Variants in GAB1 observed in about 807,000 individuals in gnomAD.
The protein encoded by GAB1 is GRB2 associated binding protein 1, also known as GRB2-associated-binding protein 1.
In GAB1, 19 loss-of-function variants were observed where a neutral mutation model predicts 66.5. That is an observed-to-expected ratio of 0.29 (90% confidence interval 0.20 to 0.42). The LOEUF (loss-of-function observed/expected upper bound fraction) is 0.42, where lower values mean the gene tolerates loss of function less well. Among genes scored for constraint, GAB1 ranks in the 10% least tolerant of loss-of-function variants. The pLI, the probability that GAB1 is intolerant of heterozygous loss-of-function variation, is 1.00. For missense variants in GAB1, 732 were observed against 858.5 expected (o/e 0.85, Z 1.84); for synonymous variants, 294 against 301.4 (o/e 0.98, Z 0.25).
chr4:143,345,442 A>G (rs1403448756), intron 1 of GAB1, among the ~76,000 whole-genome samples: 3 of 152,244 alleles, frequency 2.0e-5, no homozygotes, highest in East Asian at 1.9e-4. Flanking sequence ...AAACATTTCA[A>G]TGTAAAAATA....
chr4:143,434,580 T>C (rs1578709897), intron 3 of GAB1, among the ~76,000 whole-genome samples: 1 of 143,532 alleles, frequency 7.0e-6, no homozygotes, highest in Non-Finnish European at 1.5e-5. Flanking sequence ...GATCTCAAAC[T>C]CCTGGCCTCA....
At position 143,451,495 on chromosome 4, in the gene GAB1, T is replaced by A. The variant is rs140731544; in HGVS notation, c.1586-7890T>A. Among the ~76,000 whole-genome samples the A allele has an allele frequency of 5.6e-3, 850 of 152,274 alleles. 10 individuals are homozygous for A. The highest frequency in any genetic ancestry group is 0.019 in the African/African-American group (797 of 41,548). On this transcript the variant is annotated intron_variant, in intron 6 of 9. Transcript: ENST00000262994. ...AGGCACATAAACTTTAAGATTTATA[T>A]ATTTAAATCTTAAGTCAAGCTTTGG...
intron 1 of GAB1, 75 bp downstream of exon 1, chr4:143,337,335 CA>C: frequency 8.0e-7 from 1 of 1,257,588 alleles, no homozygotes; most frequent in Non-Finnish European, 1.1e-6. Flanking sequence ...CCGGCGGCTG[CA>C]GCTGGCCGCG....
chr4:143,399,680 A>G (rs1201377677), intron 1 of GAB1, among the ~76,000 whole-genome samples: 1 of 152,166 alleles, frequency 6.6e-6, no homozygotes, highest in African/African-American at 2.4e-5. Context: ...CTGTTCATTC[A>G]TCCTTCTTAT....
At chr4:143,341,591 GC>G (rs1308200006) in intron 1 of GAB1, among the ~76,000 whole-genome samples, 2 of 152,230 alleles carry the variant, frequency 1.3e-5, no homozygotes, top group East Asian at 3.8e-4. Flanking sequence ...TGGTAGCAAG[GC>G]CCCAGCCAGT....
Position 143,337,259 on chromosome 4 carries a change from A to T in GAB1, c.71A>T (p.Tyr24Phe). 1 of 1,575,408 alleles carries T rather than the reference A, an allele frequency of 6.3e-7. No homozygotes were observed. The highest frequency in any genetic ancestry group is 8.6e-7 in the Non-Finnish European group (1 of 1,159,720). Residue 24 changes from tyrosine to phenylalanine, a missense_variant and splice_region_variant, in exon 1 of 10, where the codon TAT becomes TTT. Physicochemically the swap from Tyr to Phe is conservative, Grantham distance 22 (BLOSUM62 3). Around this residue, in one of 4 missense-constraint regions of GAB1, gnomAD observed 35 missense variants for 30.8 expected, o/e 1.13. Coordinates refer to ENST00000262994, the MANE Select transcript of GAB1 (RefSeq NM_002039.4). ...CCCCCGGAGAAAAAGTTGAAGCGTT[A>T]TGTAAGTAGAGCTGCGGGCACCACT... ...KSPPEKKLKR[Y>F]AWKRRWFVLR... is the part of the protein sequence containing the mutation.
At chr4:143,425,709 A>G in intron 2 of GAB1, 1 of 759,536 alleles carries the variant, frequency 1.3e-6, no homozygotes, top group Non-Finnish European at 2.4e-6. Flanking sequence ...AAAGGCAGTG[A>G]CCAAGGAGGA....
At chr4:143,359,358 A>G (rs751330572) in intron 1 of GAB1, among the ~76,000 whole-genome samples, 2 of 152,240 alleles carry the variant, frequency 1.3e-5, no homozygotes, top group Non-Finnish European at 2.9e-5. Context: ...CACAGGCAGA[A>G]CAAATCAACA....
intron 6 of GAB1, among the ~76,000 whole-genome samples, chr4:143,444,977 T>C (rs554393507): frequency 4.5e-4 from 68 of 152,360 alleles, no homozygotes; most frequent in Non-Finnish European, 6.9e-4. Context: ...CACATTTTCT[T>C]GATCCAGTCC....
chr4:143,453,572 G>A (rs1045808957), intron 6 of GAB1, among the ~76,000 whole-genome samples: 1 of 152,116 alleles, frequency 6.6e-6, no homozygotes, highest in Non-Finnish European at 1.5e-5. Context: ...TACTGGTCAC[G>A]AAGGTAAACC....
intron 1 of GAB1, among the ~76,000 whole-genome samples, chr4:143,378,046 C>T (rs568622224): frequency 2.6e-5 from 4 of 152,294 alleles, no homozygotes; most frequent in South Asian, 4.1e-4. Flanking sequence ...TATACTCACA[C>T]GCTTTGCCGT....
Position 143,360,663 on chromosome 4 carries a change from G to C in GAB1, c.72+23403G>C, listed in dbSNP as rs543251870. Among the ~76,000 whole-genome samples, 3 of 152,246 alleles carry C rather than the reference G, an allele frequency of 2.0e-5. No homozygotes were observed. The East Asian group carries it at 5.8e-4, about 29-fold the overall frequency. On this transcript the variant is annotated intron_variant, in intron 1 of 9. Transcript: ENST00000262994. ...TTGTCTCGTGGGTTGATTTTTCTCA[G>C]AATCCTGATGCTTGTTGTTAATAAG...
chr4:143,377,746 TTTC>T (rs952738393), intron 1 of GAB1, among the ~76,000 whole-genome samples: 20 of 152,336 alleles, frequency 1.3e-4, no homozygotes, highest in African/African-American at 4.8e-4. Flanking sequence ...TTTTATGAAA[TTTC>T]TTCTGTTATA....
At chr4:143,338,977 C>CCCTG (rs1728744856) in intron 1 of GAB1, among the ~76,000 whole-genome samples, 1 of 152,164 alleles carries the variant, frequency 6.6e-6, no homozygotes, top group Non-Finnish European at 1.5e-5. Flanking sequence ...AGGAAAAAAG[C>CCCTG]CCTGCCTCTT....
intron 6 of GAB1, among the ~76,000 whole-genome samples, chr4:143,447,954 T>G (rs1734659824): frequency 6.6e-6 from 1 of 152,228 alleles, no homozygotes; most frequent in Admixed American, 6.5e-5. Context: ...TATTTTGAGA[T>G]ACATCCCATC....
At chr4:143,373,044 A>AACACACACACACACAC (rs36205621) in intron 1 of GAB1, among the ~76,000 whole-genome samples, 11 of 148,264 alleles carry the variant, frequency 7.4e-5, no homozygotes, top group South Asian at 2.2e-4. Context: ...TTCCTTTAAA[A>AACACACACACACACAC]ACACACACAC....
At chr4:143,354,634 A>G (rs1729368111) in intron 1 of GAB1, among the ~76,000 whole-genome samples, 1 of 152,210 alleles carries the variant, frequency 6.6e-6, no homozygotes, top group African/African-American at 2.4e-5. Flanking sequence ...ATTAAACTAT[A>G]ATATACATAT....
At chr4:143,399,555 TA>T (rs1431610090) in intron 1 of GAB1, among the ~76,000 whole-genome samples, 1 of 152,136 alleles carries the variant, frequency 6.6e-6, no homozygotes, top group Non-Finnish European at 1.5e-5. Flanking sequence ...AACACTCCAC[TA>T]GGGGGCAGAC....
chr4:143,442,737 G>T (rs772355855), intron 6 of GAB1, among the ~76,000 whole-genome samples: 1 of 151,916 alleles, frequency 6.6e-6, no homozygotes, highest in Non-Finnish European at 1.5e-5. Context: ...TAACGTAAAA[G>T]AACTTAATAG....
Sources: gnomAD v4.1 joint callset for allele counts (sites outside exome capture counted in the v4.1 genomes callset) on GRCh38, gnomAD v4.1.1 for gene constraint, gnomAD v4.1.1 regional missense constraint, MANE v1.5 for transcripts, NCBI Gene and HGNC (gene_info 2026-07-23, HGNC 2026-07-21) for gene names.